Variants in R3HDM1 observed in about 807,000 individuals in gnomAD.
The protein encoded by R3HDM1 is R3H domain containing 1, also known as R3H domain-containing protein 1.
R3HDM1 carries 46 observed loss-of-function variants against 141.1 expected under a neutral mutation model. That is an observed-to-expected ratio of 0.33 (90% CI 0.26 to 0.42). The LOEUF is 0.42. Ranked by LOEUF, R3HDM1 falls within the 10% of genes least tolerant of loss-of-function variation. R3HDM1 has a pLI of 1.00. For synonymous variants in R3HDM1, 435 were observed against 472.9 expected (o/e 0.92, Z 1.04); for missense variants, 1,184 against 1,368.3 (o/e 0.87, Z 2.12).
chr2:135,566,213 A>G (rs1382563972), intron 1 of R3HDM1, among the ~76,000 whole-genome samples: 1 of 152,176 alleles, frequency 6.6e-6, no homozygotes, highest in Non-Finnish European at 1.5e-5. Flanking sequence ...AACAACTTCT[A>G]CCTGCCCTGA....
chr2:135,691,302 G>A (rs1234773199), intron 21 of R3HDM1, among the ~76,000 whole-genome samples: 1 of 152,038 alleles, frequency 6.6e-6, no homozygotes, highest in East Asian at 1.9e-4. Context: ...TTTATACTTT[G>A]TAAAAACTCC....
intron 1 of R3HDM1, among the ~76,000 whole-genome samples, chr2:135,573,271 TAAG>T (rs1704569265): frequency 6.6e-6 from 1 of 152,106 alleles, no homozygotes; most frequent in Non-Finnish European, 1.5e-5. Context: ...AAATATAGAA[TAAG>T]AAGGACAAAA....
At chr2:135,698,961 A>C (rs72970230) in intron 21 of R3HDM1, among the ~76,000 whole-genome samples, 6,874 of 151,566 alleles carry the variant, frequency 0.045, 543 homozygotes, top group African/African-American at 0.16. Context: ...GGAGACACAC[A>C]TCCAAACAAT....
At chr2:135,624,993 T>TGG (rs964946223) in intron 7 of R3HDM1, among the ~76,000 whole-genome samples, 4 of 151,858 alleles carry the variant, frequency 2.6e-5, no homozygotes, top group Non-Finnish European at 5.9e-5. Context: ...GAGGCTGAGG[T>TGG]GGGAAGATTA....
chr2:135,596,894 C>T (rs891649160), intron 1 of R3HDM1: 8 of 459,860 alleles, frequency 1.7e-5, no homozygotes, highest in East Asian at 1.6e-4. Context: ...TAAGGCGTTT[C>T]CTTAGGGTGT....
At chr2:135,701,219 C>G (rs1009496877) in intron 21 of R3HDM1, among the ~76,000 whole-genome samples, 5 of 120,972 alleles carry the variant, frequency 4.1e-5, no homozygotes, top group Non-Finnish European at 8.0e-5. Flanking sequence ...GACCTCATCT[C>G]TACCAAAAAA....
intron 20 of R3HDM1, 107 bp from the exon 21 acceptor site, chr2:135,680,066 C>A: frequency 8.5e-7 from 1 of 1,174,068 alleles, no homozygotes; most frequent in Non-Finnish European, 1.2e-6. Context: ...GGCAACAGAG[C>A]AAGAATTCAT....
chr2:135,590,046 G>A (rs1708889587), intron 1 of R3HDM1, among the ~76,000 whole-genome samples: 1 of 152,108 alleles, frequency 6.6e-6, no homozygotes, highest in Non-Finnish European at 1.5e-5. Context: ...CTGAGGAGAG[G>A]ATCCTTGGGT....
At chr2:135,715,483 T>C in intron 23 of R3HDM1, 67 bp from the exon 24 acceptor site, 1 of 1,516,150 alleles carries the variant, frequency 6.6e-7, no homozygotes, top group Non-Finnish European at 9.0e-7. Flanking sequence ...GTATATGTAA[T>C]CAGGAAGAAT....
chr2:135,554,223 A>C (rs570643881), intron 1 of R3HDM1, among the ~76,000 whole-genome samples: 1 of 152,286 alleles, frequency 6.6e-6, no homozygotes, highest in African/African-American at 2.4e-5. Flanking sequence ...TTCTGTCTCT[A>C]TAGATTTGCC....
At chr2:135,723,864 G>T in intron 26 of R3HDM1, 73 bp from the exon 27 acceptor site, 2 of 1,011,492 alleles carry the variant, frequency 2.0e-6, no homozygotes, top group Admixed American at 2.2e-5. Context: ...TGTCATATTT[G>T]GGTCTGCAGT....
In R3HDM1 at chr2:135,707,661, G is replaced by A. The variant is rs111261640; in HGVS notation, c.2460-1772G>A. 1.4e-3 allele frequency among the ~76,000 whole-genome samples: 207 copies of A among 152,298 alleles called. 2 individuals carry two copies. The highest frequency in any genetic ancestry group is 4.4e-3 in the African/African-American group (182 of 41,572). ...AGATCAGAGTGAGGGGCATGGCTCA[G>A]GAGAGCTGTTCACATGGGTTAGAAC... On this transcript the variant is annotated intron_variant, in intron 21 of 26. Transcript: ENST00000683871.
intron 19 of R3HDM1, chr2:135,669,380 C>T: frequency 7.1e-6 from 7 of 985,012 alleles, no homozygotes; most frequent in Non-Finnish European, 8.4e-6. Flanking sequence ...CATGCTTATA[C>T]TCACCAATAA....
intron 1 of R3HDM1, among the ~76,000 whole-genome samples, chr2:135,542,843 A>G (rs1368416240): frequency 6.6e-6 from 1 of 152,132 alleles, no homozygotes; most frequent in African/African-American, 2.4e-5. Context: ...GGTTCAAGCA[A>G]TTCTTTTGCC....
intron 1 of R3HDM1, among the ~76,000 whole-genome samples, chr2:135,588,995 T>C (rs1486599927): frequency 6.6e-6 from 1 of 152,184 alleles, no homozygotes; most frequent in African/African-American, 2.4e-5. Context: ...TTTTTAATGT[T>C]TTCCTCAAGA....
rs371608673 is a variant in R3HDM1 at position 135,646,892 on chromosome 2, A to AAAAGAAG, written c.1623+1367_1623+1368insAGAAGAA. Among the ~76,000 whole-genome samples the AAAAGAAG allele has an allele frequency of 1.3e-3, 196 of 146,568 alleles. 3 individuals are homozygous for AAAAGAAG. The highest frequency in any genetic ancestry group is 3.5e-3 in the Middle Eastern group (1 of 282). The stretch of plus-strand genomic sequence containing the variant: ...AAGTGAGTATCCCTTAAAAAAAAAA[A>AAAAGAAG]AAGAAGAAGTATGATGATAAACTTG... On this transcript the variant is annotated intron_variant, in intron 16 of 26. Transcript: ENST00000683871.
chr2:135,658,538 G>A (rs953255328), intron 18 of R3HDM1, among the ~76,000 whole-genome samples: 1 of 152,170 alleles, frequency 6.6e-6, no homozygotes, highest in Admixed American at 6.5e-5. Flanking sequence ...ACTGTAAGTT[G>A]TTCTAGGTGA....
chr2:135,596,261 G>A (rs1190565118), intron 1 of R3HDM1, among the ~76,000 whole-genome samples: 3 of 152,142 alleles, frequency 2.0e-5, no homozygotes, highest in Non-Finnish European at 1.5e-5. Flanking sequence ...GCCTCCCAAA[G>A]TGCTGGGATT....
At chr2:135,711,963 TAA>T (rs35616482) in intron 23 of R3HDM1, among the ~76,000 whole-genome samples, 45,141 of 86,212 alleles carry the variant, frequency 0.52, 12,630 homozygotes, top group Non-Finnish European at 0.69. Flanking sequence ...TGTCTAAAAT[TAA>T]AAAAAAAAAA....
Sources: gnomAD v4.1 joint callset for allele counts (sites outside exome capture counted in the v4.1 genomes callset) on GRCh38, gnomAD v4.1.1 for gene constraint, MANE v1.5 for transcripts, NCBI Gene and HGNC (gene_info 2026-07-23, HGNC 2026-07-21) for gene names.